The following NCAM2 variants were observed in gnomAD, a reference collection of about 807,000 sequenced individuals.
NCAM2 encodes N-CAM-2.
Under a neutral mutation model 98.1 loss-of-function variants are expected in NCAM2, and 30 were observed. The observed-to-expected ratio is 0.31, with a 90% CI of 0.23 to 0.41. The LOEUF is 0.41. Ranked by LOEUF, NCAM2 falls within the 10% of genes least tolerant of loss-of-function variation. The pLI is 1.00. For missense variants in NCAM2, 867 were observed against 1,005.8 expected (o/e 0.86, Z 1.87); for synonymous variants, 368 against 342.4 (o/e 1.07, Z -0.83).
intron 1 of NCAM2, among the ~76,000 whole-genome samples, chr21:21,020,557 G>A (rs1225407319): frequency 6.6e-6 from 1 of 152,156 alleles, no homozygotes; most frequent in Admixed American, 6.5e-5. Context: ...CACAGCACAA[G>A]CACAGATGTT....
chr21:21,113,398 A>G (rs1601402936), intron 1 of NCAM2, among the ~76,000 whole-genome samples: 1 of 151,800 alleles, frequency 6.6e-6, no homozygotes, highest in East Asian at 1.9e-4. Context: ...AATGTTTTAT[A>G]TCTAAGCACT....
At chr21:21,535,499 G>A (rs746281440) in intron 17 of NCAM2, among the ~76,000 whole-genome samples, 49 of 151,970 alleles carry the variant, frequency 3.2e-4, no homozygotes, top group Non-Finnish European at 6.6e-4. Flanking sequence ...AAAAAATGTT[G>A]TCACAGATGA....
At chr21:21,095,361 G>T (rs2066098913) in intron 1 of NCAM2, among the ~76,000 whole-genome samples, 1 of 151,518 alleles carries the variant, frequency 6.6e-6, no homozygotes, top group Non-Finnish European at 1.5e-5. Context: ...ATTGATTATT[G>T]ATTATGGTAA....
rs1319352681 is a variant in NCAM2, at chr21:21,372,512, T to C, written c.1045-1351T>C. On this transcript the variant is annotated intron_variant, in intron 8 of 17. Coordinates refer to ENST00000400546, the MANE Select transcript of NCAM2 (RefSeq NM_004540.5). The stretch of plus-strand genomic sequence containing the variant: ...ATATCAGATGTCTTAAATGAATCTT[T>C]AGTAGGTGTTGAATCAGAGCCAAGA... 3.3e-5 allele frequency among the ~76,000 whole-genome samples: 5 copies of C among 151,914 alleles called. No homozygotes were observed. The East Asian group carries it at 9.7e-4, about 29-fold the overall frequency.
At chr21:21,209,216 G>T (rs1342962804) in intron 1 of NCAM2, among the ~76,000 whole-genome samples, 1 of 151,824 alleles carries the variant, frequency 6.6e-6, no homozygotes, top group East Asian at 1.9e-4. Context: ...TTTAGCTTGG[G>T]TTTTATTTAT....
chr21:21,423,463 T>C (rs1023876556), intron 11 of NCAM2, among the ~76,000 whole-genome samples: 7 of 152,220 alleles, frequency 4.6e-5, no homozygotes, highest in Non-Finnish European at 1.0e-4. Context: ...TTGATACCTC[T>C]TTAGTTATTA....
chr21:21,182,638 TA>T (rs1395858375), intron 1 of NCAM2, among the ~76,000 whole-genome samples: 4 of 152,196 alleles, frequency 2.6e-5, no homozygotes, highest in African/African-American at 9.6e-5. Flanking sequence ...TTGGCTTTGA[TA>T]AAATTTATAT....
intron 7 of NCAM2, 120 bp downstream of exon 7, chr21:21,335,785 T>C: frequency 1.1e-6 from 1 of 887,480 alleles, no homozygotes; most frequent in African/African-American, 1.7e-5. Context: ...CTCTTCTCTG[T>C]AATATGTTTT....
intron 12 of NCAM2, among the ~76,000 whole-genome samples, chr21:21,440,434 C>A (rs1285960509): frequency 6.6e-6 from 1 of 152,120 alleles, no homozygotes; most frequent in Non-Finnish European, 1.5e-5. Flanking sequence ...GTAAACCCAG[C>A]TCTTAGGGAG....
chr21:21,029,881 G>T (rs568176232), intron 1 of NCAM2, among the ~76,000 whole-genome samples: 3 of 152,042 alleles, frequency 2.0e-5, no homozygotes, highest in African/African-American at 7.2e-5. Context: ...TCGCCCGCCT[G>T]AGCCTCCCAA....
chr21:21,137,746 G>A (rs1361758262), intron 1 of NCAM2, among the ~76,000 whole-genome samples: 2 of 152,068 alleles, frequency 1.3e-5, no homozygotes, highest in Middle Eastern at 3.2e-3. Flanking sequence ...CAAGAAGAGC[G>A]AAACTCCATT....
At chr21:21,394,927 T>G (rs534946037) in intron 9 of NCAM2, among the ~76,000 whole-genome samples, 58 of 152,298 alleles carry the variant, frequency 3.8e-4, no homozygotes, top group African/African-American at 1.4e-3. Flanking sequence ...TACATACTTA[T>G]CCTGGTTTTC....
chr21:21,064,034 C>G (rs1319767376), intron 1 of NCAM2, among the ~76,000 whole-genome samples: 1 of 152,102 alleles, frequency 6.6e-6, no homozygotes, highest in Non-Finnish European at 1.5e-5. Flanking sequence ...CTGGGTGATT[C>G]TTGCCAAAGA....
chr21:21,360,452 T>A (rs539213822), intron 8 of NCAM2, among the ~76,000 whole-genome samples: 1 of 152,124 alleles, frequency 6.6e-6, no homozygotes, highest in East Asian at 1.9e-4. Context: ...ACTATCTAAG[T>A]CTTTCTTTCT....
At chr21:21,306,739 A>G (rs1434826451) in intron 5 of NCAM2, among the ~76,000 whole-genome samples, 3 of 152,100 alleles carry the variant, frequency 2.0e-5, no homozygotes, top group Non-Finnish European at 4.4e-5. Context: ...GTGCAATTGC[A>G]TTGTTATTGA....
chr21:21,067,256 A>G lies in NCAM2; in HGVS notation c.55+68638A>G, dbSNP rs144142593. ...AGAGAGAGAATATTACTTCAATTAA[A>G]AATGCGTTACTAAAAAGTGCTCTTT... On this transcript the variant is annotated intron_variant, in intron 1 of 17. Coordinates refer to ENST00000400546, the MANE Select transcript of NCAM2 (RefSeq NM_004540.5). Among the ~76,000 whole-genome samples, 492 of 152,146 alleles carry G rather than the reference A, an allele frequency of 3.2e-3. 3 individuals are homozygous for G. The highest frequency in any genetic ancestry group is 0.011 in the African/African-American group (454 of 41,570).
At chr21:21,532,813 G>A (rs1360026626) in intron 16 of NCAM2, among the ~76,000 whole-genome samples, 1 of 152,080 alleles carries the variant, frequency 6.6e-6, no homozygotes, top group African/African-American at 2.4e-5. Flanking sequence ...TTAAGATCCA[G>A]TGGTGGTGGG....
intron 13 of NCAM2, among the ~76,000 whole-genome samples, chr21:21,468,050 T>C (rs1293244690): frequency 6.6e-6 from 1 of 151,988 alleles, no homozygotes; most frequent in African/African-American, 2.4e-5. Context: ...ATAAGCATCA[T>C]TGTTATATGG....
Position 21,232,723 on chromosome 21 carries a change from C to A in NCAM2, c.56-47855C>A, listed in dbSNP as rs763942564. On this transcript the variant is annotated intron_variant, in intron 1 of 17. Coordinates refer to ENST00000400546, the MANE Select transcript of NCAM2 (RefSeq NM_004540.5). ...AGAAAAAGTTTTCAAAATATTTTAG[C>A]TTTTAAAATTATTTTCTGGTGGAAT... Among the ~76,000 whole-genome samples the A allele has an allele frequency of 6.0e-4, 91 of 151,640 alleles. 1 individual carries two copies. The highest frequency in any genetic ancestry group is 3.4e-3 in the Middle Eastern group (1 of 294).
Sources: allele counts gnomAD v4.1 joint callset (sites outside exome capture counted in the v4.1 genomes callset), GRCh38; gene constraint gnomAD v4.1.1; transcripts MANE v1.5; gene names NCBI Gene and HGNC (gene_info 2026-07-23, HGNC 2026-07-21).